MYO1D: variants seen among roughly 807,000 people sequenced by gnomAD.
MYO1D encodes myosin ID, also known as unconventional myosin-Id.
MYO1D carries 83 observed loss-of-function variants against 122.0 expected under a neutral mutation model. That is an observed-to-expected ratio of 0.68 (90% CI 0.57 to 0.82). MYO1D has a LOEUF of 0.82. Among genes scored for constraint, MYO1D ranks in the 40% least tolerant of loss-of-function variants. MYO1D has a pLI of 0.00. For synonymous variants in MYO1D, 464 were observed against 446.9 expected, an observed-to-expected ratio of 1.04 and a Z score of -0.48; for missense variants, 1,157 against 1,269.5, an observed-to-expected ratio of 0.91 and a Z score of 1.35.
chr17:32,660,901 A>G (rs898745924), intron 16 of MYO1D, among the ~76,000 whole-genome samples: 5 of 152,168 alleles, frequency 3.3e-5, no homozygotes, highest in African/African-American at 9.7e-5. Flanking sequence ...AAAGTATGTG[A>G]TTTAATTTCT....
chr17:32,705,421 G>A (rs1046044532), intron 16 of MYO1D, among the ~76,000 whole-genome samples: 6 of 136,182 alleles, frequency 4.4e-5, no homozygotes, highest in South Asian at 2.6e-4. Context: ...CACCATGCCC[G>A]GCTAATTTTT....
intron 1 of MYO1D, among the ~76,000 whole-genome samples, chr17:32,795,110 A>G (rs909891744): frequency 7.9e-5 from 12 of 152,166 alleles, no homozygotes; most frequent in African/African-American, 2.9e-4. Flanking sequence ...TCCATTAATG[A>G]GGATAGGGAC....
intron 21 of MYO1D, among the ~76,000 whole-genome samples, chr17:32,551,255 G>GT (rs2087012851): frequency 1.3e-5 from 2 of 152,166 alleles, no homozygotes; most frequent in African/African-American, 4.8e-5. Flanking sequence ...TCAAGAGGCA[G>GT]TGCATGCTCA....
At chr17:32,769,499 T>C (rs551688085) in intron 6 of MYO1D, among the ~76,000 whole-genome samples, 2 of 152,172 alleles carry the variant, frequency 1.3e-5, no homozygotes, top group Non-Finnish European at 2.9e-5. Context: ...ACCCAAAATA[T>C]CTTAACTGTA....
chr17:32,834,035 A>T (rs1567664377), intron 1 of MYO1D, among the ~76,000 whole-genome samples: 1 of 152,162 alleles, frequency 6.6e-6, no homozygotes, highest in Non-Finnish European at 1.5e-5. Flanking sequence ...TTAAAACTCC[A>T]TGAAGGCTTG....
chr17:32,849,663 T>C (rs1172861546), intron 1 of MYO1D, among the ~76,000 whole-genome samples: 1 of 133,954 alleles, frequency 7.5e-6, no homozygotes, highest in Admixed American at 7.8e-5. Flanking sequence ...GGGACTGTTG[T>C]GGGGTGGGGG....
intron 20 of MYO1D, among the ~76,000 whole-genome samples, chr17:32,636,522 G>T (rs115520896): frequency 1.3e-5 from 2 of 152,144 alleles, no homozygotes; most frequent in African/African-American, 4.8e-5. Context: ...CATCGAACTT[G>T]CTCCCTCTGA....
At chr17:32,728,777 T>C (rs779888318) in intron 14 of MYO1D, among the ~76,000 whole-genome samples, 2 of 152,232 alleles carry the variant, frequency 1.3e-5, no homozygotes, top group African/African-American at 4.8e-5. Flanking sequence ...CGCAATCTTA[T>C]AAGGCATCAT....
chr17:32,711,110 A>G (rs2089370678), intron 16 of MYO1D, among the ~76,000 whole-genome samples: 1 of 152,172 alleles, frequency 6.6e-6, no homozygotes, highest in East Asian at 1.9e-4. Context: ...ATAGCTCTAC[A>G]ATTTTTTGCA....
At chr17:32,832,705 G>A (rs1032552017) in intron 1 of MYO1D, among the ~76,000 whole-genome samples, 2 of 152,154 alleles carry the variant, frequency 1.3e-5, no homozygotes, top group African/African-American at 4.8e-5. Flanking sequence ...AAAAGCAGCT[G>A]CATTAAAATG....
At chr17:32,729,042 T>C (rs1178346867) in intron 14 of MYO1D, among the ~76,000 whole-genome samples, 2 of 152,246 alleles carry the variant, frequency 1.3e-5, no homozygotes, top group Non-Finnish European at 2.9e-5. Flanking sequence ...CATTTATAAA[T>C]ATCCAGACTG....
chr17:32,776,434 C>T (rs2090173109), intron 3 of MYO1D, among the ~76,000 whole-genome samples: 1 of 152,106 alleles, frequency 6.6e-6, no homozygotes, highest in Non-Finnish European at 1.5e-5. Flanking sequence ...ATCAGCACAC[C>T]TTACTATGGT....
chr17:32,664,140 G>A (rs1382874566), intron 16 of MYO1D, among the ~76,000 whole-genome samples: 3 of 152,102 alleles, frequency 2.0e-5, no homozygotes, highest in African/African-American at 7.2e-5. Flanking sequence ...AAACTACAGA[G>A]GAAAATGATT....
chr17:32,551,151 T>C (rs893388029), intron 21 of MYO1D, among the ~76,000 whole-genome samples: 5 of 152,154 alleles, frequency 3.3e-5, no homozygotes, highest in Non-Finnish European at 5.9e-5. Flanking sequence ...TAGCTGATAA[T>C]GAATGACTTC....
intron 21 of MYO1D, among the ~76,000 whole-genome samples, chr17:32,591,339 T>A (rs1354711576): frequency 2.0e-5 from 3 of 152,248 alleles, no homozygotes; most frequent in Admixed American, 6.5e-5. Flanking sequence ...AAGTTCATTA[T>A]GTGGAAGCCT....
At chr17:32,643,351 C>T (rs143835782) in intron 19 of MYO1D, among the ~76,000 whole-genome samples, 6,519 of 152,196 alleles carry the variant, frequency 0.043, 221 homozygotes, top group East Asian at 0.19. Context: ...ATTTTTGCAT[C>T]GATGTTCATC....
intron 1 of MYO1D, among the ~76,000 whole-genome samples, chr17:32,874,395 T>A (rs982547091): frequency 6.6e-6 from 1 of 152,106 alleles, no homozygotes; most frequent in Non-Finnish European, 1.5e-5. Flanking sequence ...CAGGCTGGAG[T>A]ACAGTGGTGT....
At chr17:32,786,996 TGTATGAAA>T (rs908922721) in intron 1 of MYO1D, among the ~76,000 whole-genome samples, 3 of 151,916 alleles carry the variant, frequency 2.0e-5, no homozygotes, top group African/African-American at 7.3e-5. Flanking sequence ...AAGAACATTC[TGTATGAAA>T]GCAAAGAATA....
chr17:32,696,656 C>T (rs568791969), intron 16 of MYO1D, among the ~76,000 whole-genome samples: 10 of 152,340 alleles, frequency 6.6e-5, no homozygotes, highest in African/African-American at 4.8e-5. Flanking sequence ...TGTCCTTCTA[C>T]GTGGCACTGC....
Sources: allele counts gnomAD v4.1 joint callset (sites outside exome capture counted in the v4.1 genomes callset), GRCh38; gene constraint gnomAD v4.1.1; transcripts MANE v1.5; gene names NCBI Gene and HGNC (gene_info 2026-07-23, HGNC 2026-07-21).